The following MCC variants were observed in gnomAD, a reference collection of about 807,000 sequenced individuals.
MCC encodes colorectal mutant cancer protein.
Under a neutral mutation model 116.2 loss-of-function variants are expected in MCC, and 90 were observed. The observed-to-expected ratio is 0.77, with a 90% CI of 0.65 to 0.92. The LOEUF is 0.92. Ranked by LOEUF, MCC falls within the 40% of genes least tolerant of loss-of-function variation. The pLI, the probability that MCC is intolerant of heterozygous loss-of-function variation, is 0.00. For synonymous variants in MCC, 578 were observed against 510.5 expected (o/e 1.13, Z -1.78); for missense variants, 1,516 against 1,312.2 (o/e 1.16, Z -2.40).
intron 3 of MCC, among the ~76,000 whole-genome samples, chr5:113,217,889 C>A (rs1359977945): frequency 6.6e-6 from 1 of 152,014 alleles, no homozygotes. Flanking sequence ...GTGTGCACAC[C>A]ACGCCTGTAT....
intron 3 of MCC, among the ~76,000 whole-genome samples, chr5:113,188,680 AC>A (rs1342404777): frequency 2.0e-5 from 3 of 152,024 alleles, no homozygotes; most frequent in African/African-American, 7.2e-5. Flanking sequence ...TGCACACATC[AC>A]CCTGTTTAAT....
At chr5:113,387,675 T>C (rs1177248532) in intron 1 of MCC, among the ~76,000 whole-genome samples, 1 of 152,246 alleles carries the variant, frequency 6.6e-6, no homozygotes, top group African/African-American at 2.4e-5. Flanking sequence ...TTTTCACTTT[T>C]CACAGTGTAT....
chr5:113,115,042 A>G (rs1757317566), intron 6 of MCC, among the ~76,000 whole-genome samples: 1 of 152,188 alleles, frequency 6.6e-6, no homozygotes, highest in Admixed American at 6.5e-5. Context: ...ACGAACAGCA[A>G]AGCAAAAAGA....
chr5:113,178,561 C>T (rs1761454971), intron 3 of MCC, among the ~76,000 whole-genome samples: 1 of 152,176 alleles, frequency 6.6e-6, no homozygotes, highest in South Asian at 2.1e-4. Context: ...ACATTTCCTC[C>T]TCACCCCCAA....
At chr5:113,222,064 G>A (rs1179240523) in intron 3 of MCC, among the ~76,000 whole-genome samples, 2 of 152,188 alleles carry the variant, frequency 1.3e-5, no homozygotes, top group Admixed American at 1.3e-4. Flanking sequence ...GCTTTCTGGT[G>A]TCAGGTTGAG....
intron 7 of MCC, 58 bp from the exon 8 acceptor site, chr5:113,102,003 G>A: frequency 6.5e-7 from 1 of 1,530,426 alleles, no homozygotes; most frequent in Non-Finnish European, 9.0e-7. Context: ...AAGGGGATAG[G>A]AAGAAAATAG....
intron 3 of MCC, among the ~76,000 whole-genome samples, chr5:113,181,152 C>G (rs1367582193): frequency 6.6e-6 from 1 of 152,166 alleles, no homozygotes; most frequent in African/African-American, 2.4e-5. Context: ...TTAGACTATT[C>G]CTAAACATGA....
chr5:113,437,084 C>CA (rs201196438), intron 1 of MCC: 5,636 of 133,306 alleles, frequency 0.042, 366 homozygotes, highest in African/African-American at 0.14. Flanking sequence ...GAAATCTCTT[C>CA]AAAAAAAAAA....
chr5:113,074,084 A>G (rs746394637), intron 11 of MCC, among the ~76,000 whole-genome samples: 6 of 152,200 alleles, frequency 3.9e-5, no homozygotes, highest in Non-Finnish European at 8.8e-5. Flanking sequence ...CTGCCTCCTC[A>G]AGTGGGTCCC....
chr5:113,325,316 A>T (rs1006934409), intron 3 of MCC, among the ~76,000 whole-genome samples: 2 of 152,208 alleles, frequency 1.3e-5, no homozygotes, highest in East Asian at 3.8e-4. Context: ...ACTAAATGTT[A>T]ATGATTCACA....
intron 3 of MCC, among the ~76,000 whole-genome samples, chr5:113,276,258 G>A (rs1305937607): frequency 6.6e-6 from 1 of 152,192 alleles, no homozygotes; most frequent in Non-Finnish European, 1.5e-5. Context: ...TGGAGACTGA[G>A]TACGCAGGCC....
At chr5:113,466,238 T>A (rs1331476890) in intron 1 of MCC, among the ~76,000 whole-genome samples, 1 of 151,902 alleles carries the variant, frequency 6.6e-6, no homozygotes, top group African/African-American at 2.4e-5. Context: ...AACGTGCAGG[T>A]TTGTTACATA....
At chr5:113,473,263 C>T (rs545501534) in intron 1 of MCC, among the ~76,000 whole-genome samples, 2 of 152,250 alleles carry the variant, frequency 1.3e-5, no homozygotes, top group East Asian at 1.9e-4. Flanking sequence ...GGGGCTCACA[C>T]CTGTAATCCG....
At chr5:113,162,716 C>G (rs142714327) in intron 3 of MCC, among the ~76,000 whole-genome samples, 78 of 152,238 alleles carry the variant, frequency 5.1e-4, no homozygotes, top group African/African-American at 1.8e-3. Flanking sequence ...CCAGGCTGGT[C>G]TCAAACTCCT....
intron 6 of MCC, among the ~76,000 whole-genome samples, chr5:113,107,490 G>A (rs1167935235): frequency 6.6e-6 from 1 of 152,106 alleles, no homozygotes. Context: ...GACCTGAGCT[G>A]CTAAGAACTA....
At chr5:113,142,660 C>A (rs1759248596) in intron 5 of MCC, among the ~76,000 whole-genome samples, 1 of 147,094 alleles carries the variant, frequency 6.8e-6, no homozygotes. Context: ...TTTCCCCCTG[C>A]CTTATGAGTC....
At chr5:113,179,662 A>T (rs1761511487) in intron 3 of MCC, among the ~76,000 whole-genome samples, 1 of 152,240 alleles carries the variant, frequency 6.6e-6, no homozygotes, top group South Asian at 2.1e-4. Context: ...AAGTTCTAGA[A>T]AAGACAAAAA....
In MCC at chr5:113,071,177, A is replaced by ACATT; in HGVS notation, c.1838_1841dup (p.Cys614Ter). 6.2e-7 allele frequency: 1 copy of ACATT among 1,614,186 alleles called. No individual in the cohort carries two copies. Among genetic ancestry groups the ACATT allele is most frequent in the Non-Finnish European group, 8.5e-7 (1 of 1,180,028 alleles). On this transcript the variant is annotated stop_gained and frameshift_variant, in exon 12 of 19. Coordinates refer to ENST00000408903, the MANE Select transcript of MCC (RefSeq NM_001085377.2). LOFTEE classifies it high-confidence loss of function. ...TGCTCATCCTCTCGGCATTGCTTTT[A>ACATT]CATTCCTCCAAGGTTATGGTCAGGA...
intron 3 of MCC, among the ~76,000 whole-genome samples, chr5:113,271,214 G>A (rs1003007987): frequency 7.9e-5 from 12 of 152,104 alleles, no homozygotes; most frequent in Admixed American, 4.6e-4. Context: ...ATTCCTATGC[G>A]CTTAAGAAAT....
Sources: allele counts gnomAD v4.1 joint callset (sites outside exome capture counted in the v4.1 genomes callset), GRCh38; gene constraint gnomAD v4.1.1; transcripts MANE v1.5; gene names NCBI Gene and HGNC (gene_info 2026-07-23, HGNC 2026-07-21).